C2orf80: variants seen among roughly 807,000 people sequenced by gnomAD.
C2orf80 encodes the protein chromosome 2 open reading frame 80, also known as uncharacterized protein C2orf80.
A neutral mutation model predicts 30.2 loss-of-function variants in C2orf80; 28 were observed. The ratio of observed to expected loss-of-function variants is 0.93; its 90% CI spans 0.69 to 1.27. The LOEUF is 1.27. C2orf80 is among the 50% of genes most tolerant of loss of function. C2orf80 has a pLI of 0.00. For synonymous variants in C2orf80, 80 were observed against 76.4 expected, an observed-to-expected ratio of 1.05 and a Z score of -0.24; for missense variants, 220 against 231.0, an observed-to-expected ratio of 0.95 and a Z score of 0.31.
At position 208,189,973 on chromosome 2, in the gene C2orf80, T is replaced by G. The variant is rs1559346954; in HGVS notation, c.-96A>C. ...CTCACCAACCGGAGACCGGTTCCAG[T>G]GCTTTTGTTCTTTCTCTGCTTCTGG... On this transcript the variant is annotated 5_prime_UTR_variant, in exon 1 of 9. Coordinates refer to ENST00000341287, the MANE Select transcript of C2orf80 (RefSeq NM_001099334.3). The G allele has an allele frequency of 5.7e-6, 4 of 703,026 alleles. No homozygotes were observed. Among genetic ancestry groups the G allele is most frequent in the Non-Finnish European group, 1.0e-5 (4 of 384,982 alleles). The allele number at this position is 703,026 out of a possible 1,614,324, so 43.5% of individuals were successfully genotyped here. A position where few individuals can be genotyped will look rare whatever the true frequency, so the allele number is the denominator to read the frequency against.
At chr2:208,186,645 C>G (rs1353749731) in intron 2 of C2orf80, among the ~76,000 whole-genome samples, 1 of 152,172 alleles carries the variant, frequency 6.6e-6, no homozygotes, top group Non-Finnish European at 1.5e-5. Flanking sequence ...AACGGTGTAT[C>G]TTGCCTACAC....
intron 8 of C2orf80, among the ~76,000 whole-genome samples, chr2:208,170,008 T>G (rs540214486): frequency 8.5e-5 from 13 of 152,294 alleles, no homozygotes. Flanking sequence ...TAGTCCAGTC[T>G]ATTCAGAGAT....
rs751019367 is a variant in C2orf80, at chr2:208,181,317, T to C, written c.207-12A>G. 2 of 1,533,818 alleles carry C rather than the reference T, an allele frequency of 1.3e-6. No homozygotes were observed. The highest frequency in any genetic ancestry group is 3.3e-5 in the Admixed American group (2 of 59,766). On this transcript the variant is annotated splice_polypyrimidine_tract_variant and intron_variant, in intron 4 of 8. Coordinates refer to ENST00000341287, the MANE Select transcript of C2orf80 (RefSeq NM_001099334.3). ...GGAGTGGTATTTTCCTAATGGGGAATAGGAAATACAAGTGGAAGATTTATT... is the reference window on the plus strand; with the variant it reads ...GGAGTGGTATTTTCCTAATGGGGAACAGGAAATACAAGTGGAAGATTTATT...
rs978157483 is a variant in C2orf80 at position 208,181,415 on chromosome 2, G to A, written c.207-110C>T. 3 of 621,190 alleles carry A rather than the reference G, an allele frequency of 4.8e-6. No individual in the cohort carries two copies. In the African/African-American group the frequency reaches 5.5e-5, roughly 11 times the overall value. 38.5% of individuals were successfully genotyped at this position (621,190 alleles called of 1,614,324 possible). ...AATCTGCAATGGCTGTGTGCTATCTGCTTATTTATATTAATAAAATTGGTA... is the reference window on the plus strand; with the variant it reads ...AATCTGCAATGGCTGTGTGCTATCTACTTATTTATATTAATAAAATTGGTA... On this transcript the variant is annotated intron_variant, in intron 4 of 8. Coordinates refer to ENST00000341287, the MANE Select transcript of C2orf80 (RefSeq NM_001099334.3).
rs1695859933 is a variant in C2orf80 at position 208,165,609 on chromosome 2, T to G, written c.*198A>C. On this transcript the variant is annotated 3_prime_UTR_variant, in exon 9 of 9. Transcript: ENST00000341287. ...AATGAAGTAGCATAAGGTCACAGTT[T>G]TTTTTTTTAAGAAAATGTAGCCATG... 3 of 586,440 alleles carry G rather than the reference T, an allele frequency of 5.1e-6. No homozygotes were observed. In the Admixed American group the frequency reaches 1.1e-4, roughly 21 times the overall value. 36.3% of individuals were successfully genotyped at this position (586,440 alleles called of 1,614,324 possible).
In C2orf80 at chr2:208,183,122, A is replaced by G. The variant is rs957362807; in HGVS notation, c.124-75T>C. ...GAAGTACTCCCTGGACCCAATGACAATGGGACTGCTAAGCCTATTCTAGTC... is the reference window on the plus strand; with the variant it reads ...GAAGTACTCCCTGGACCCAATGACAGTGGGACTGCTAAGCCTATTCTAGTC... On this transcript the variant is annotated intron_variant, in intron 3 of 8. Transcript: ENST00000341287. 5.4e-5 allele frequency: 61 copies of G among 1,137,460 alleles called. No homozygotes were observed. The Admixed American group carries it at 5.6e-4, about 10-fold the overall frequency. 70.5% of individuals were successfully genotyped at this position (1,137,460 alleles called of 1,614,324 possible).
At chr2:208,176,185 T>A (rs1696287036) in intron 6 of C2orf80, among the ~76,000 whole-genome samples, 2 of 152,190 alleles carry the variant, frequency 1.3e-5, no homozygotes, top group Admixed American at 6.5e-5. Flanking sequence ...TAGAGACATT[T>A]TTTTTTTTGA....
At chr2:208,165,916 T>C (rs1331128795) in intron 8 of C2orf80, 101 bp from the exon 9 acceptor site, 1 of 712,178 alleles carries the variant, frequency 1.4e-6, no homozygotes, top group African/African-American at 1.8e-5. Flanking sequence ...TATCAGATAC[T>C]AACTTACTGA....
intron 2 of C2orf80, among the ~76,000 whole-genome samples, chr2:208,185,805 G>A (rs1418981078): frequency 1.3e-5 from 2 of 152,072 alleles, no homozygotes; most frequent in African/African-American, 4.8e-5. Flanking sequence ...TTAAATTTCT[G>A]CCGAAATTTC....
At chr2:208,177,240 G>A (rs1696386481) in intron 6 of C2orf80, among the ~76,000 whole-genome samples, 1 of 148,778 alleles carries the variant, frequency 6.7e-6, no homozygotes, top group African/African-American at 2.5e-5. Flanking sequence ...ACATCACATA[G>A]CAATAAACAA....
At chr2:208,173,137 A>C (rs997056946) in intron 6 of C2orf80, among the ~76,000 whole-genome samples, 4 of 151,408 alleles carry the variant, frequency 2.6e-5, no homozygotes, top group South Asian at 2.1e-4. Flanking sequence ...AAAAAAAAAA[A>C]AAAAAAACTC....
At chr2:208,173,927 G>C (rs1216925810) in intron 6 of C2orf80, among the ~76,000 whole-genome samples, 2 of 151,952 alleles carry the variant, frequency 1.3e-5, no homozygotes, top group Non-Finnish European at 2.9e-5. Flanking sequence ...AATATTGAAA[G>C]TGTGTTTTTA....
intron 8 of C2orf80, among the ~76,000 whole-genome samples, chr2:208,168,758 A>G (rs6435418): frequency 0.99 from 128,768 of 130,410 alleles, 63,733 homozygotes; most frequent in Middle Eastern, 1. Flanking sequence ...TCGCTTGATT[A>G]TTAAGAAAGG....
chr2:208,179,223 G>A (rs1403882955), intron 6 of C2orf80, among the ~76,000 whole-genome samples: 1 of 152,216 alleles, frequency 6.6e-6, no homozygotes, highest in South Asian at 2.1e-4. Context: ...TTTTCACAAT[G>A]ATCAAGGGCA....
rs773420440 is a variant in C2orf80 at position 208,183,006 on chromosome 2, C to G, written c.165G>C (p.Leu55=). Reference sequence around the variant, plus strand: ...GCCAAGTTAAGTCTTCTGAGGGATCCAGCCATTGCAAAGCAACACTGATGG... The same window carrying G: ...GCCAAGTTAAGTCTTCTGAGGGATCGAGCCATTGCAAAGCAACACTGATGG... ...DLAISVALQW[L]DPSEDLTWLE... Residue 55 remains leucine, a synonymous_variant, in exon 4 of 9, where the codon CTG becomes CTC. Coordinates refer to ENST00000341287, the MANE Select transcript of C2orf80 (RefSeq NM_001099334.3). 6.2e-6 allele frequency: 10 copies of G among 1,613,938 alleles called. No individual in the cohort carries two copies. The African/African-American group carries it at 1.3e-4, about 22-fold the overall frequency.
Position 208,172,005 on chromosome 2 carries a change from G to A in C2orf80, c.437C>T (p.Ala146Val), listed in dbSNP as rs527523889. The change falls in exon 7 of 9, where the codon GCA (alanine) becomes GTA (valine). Residue 146 changes from alanine (A) to valine (V), a missense_variant. Physicochemically the swap from Ala to Val is moderately conservative, Grantham distance 64. Coordinates refer to ENST00000341287, the MANE Select transcript of C2orf80 (RefSeq NM_001099334.3). The part of the protein sequence containing the change: ...FAMLTAPKAA[A>V]YARKQSVKSR... ...AGGCTTACTCTGTTTGCGGGCGTATGCTGCTGCTTTGGGTGCTGTTAACAT... is the reference window on the plus strand; with the variant it reads ...AGGCTTACTCTGTTTGCGGGCGTATACTGCTGCTTTGGGTGCTGTTAACAT... 68 of 1,613,742 alleles carry A rather than the reference G, an allele frequency of 4.2e-5. No homozygotes were observed. The South Asian group carries it at 6.8e-4, about 16-fold the overall frequency.
chr2:208,186,536 G>T (rs1475765241), intron 2 of C2orf80, among the ~76,000 whole-genome samples: 1 of 152,172 alleles, frequency 6.6e-6, no homozygotes, highest in Admixed American at 6.5e-5. Flanking sequence ...TAGTTGATAA[G>T]GCTGACAATA....
chr2:208,181,047 A>G (rs1378654530), intron 5 of C2orf80, among the ~76,000 whole-genome samples, 171 bp downstream of exon 5: 1 of 152,216 alleles, frequency 6.6e-6, no homozygotes, highest in Non-Finnish European at 1.5e-5. Flanking sequence ...GTTTTCACAT[A>G]CAGTGTAGAA....
rs529371308 is a variant in C2orf80 at position 208,184,293 on chromosome 2, G to T, written c.123+658C>A. Among the ~76,000 whole-genome samples the T allele has an allele frequency of 7.2e-5, 11 of 152,066 alleles. 1 individual carries two copies. The highest frequency in any genetic ancestry group is 2.7e-4 in the African/African-American group (11 of 41,508). Reference sequence around the variant, plus strand: ...TACTTAATTTCTCTGTTTAATATGTGTACACAGAGAATAAGGCTTAACTAT... The same window carrying T: ...TACTTAATTTCTCTGTTTAATATGTTTACACAGAGAATAAGGCTTAACTAT... On this transcript the variant is annotated intron_variant, in intron 3 of 8. Transcript: ENST00000341287.
Sources: allele counts gnomAD v4.1 joint callset (sites outside exome capture counted in the v4.1 genomes callset), GRCh38; gene constraint gnomAD v4.1.1; transcripts MANE v1.5; gene names NCBI Gene and HGNC (gene_info 2026-07-23, HGNC 2026-07-21).